The following FAF1 variants were observed in gnomAD, a reference collection of about 807,000 sequenced individuals.
The protein encoded by FAF1 is FAS-associated factor 1.
A neutral mutation model predicts 92.5 loss-of-function variants in FAF1; 25 were observed. The observed-to-expected ratio is 0.27, with a 90% CI of 0.20 to 0.38. The LOEUF is 0.38. Among genes scored for constraint, FAF1 ranks in the 10% least tolerant of loss-of-function variants. The pLI is 1.00. For synonymous variants in FAF1, 234 were observed against 273.2 expected, an observed-to-expected ratio of 0.86 and a Z score of 1.42; for missense variants, 636 against 793.3, an observed-to-expected ratio of 0.80 and a Z score of 2.38.
At chr1:50,739,367 C>T (rs958972818) in intron 5 of FAF1, among the ~76,000 whole-genome samples, 8 of 151,506 alleles carry the variant, frequency 5.3e-5, no homozygotes, top group South Asian at 2.1e-4. Flanking sequence ...CATGTGTACA[C>T]GTACATACAT....
chr1:50,883,662 A>G (rs1644632280), intron 1 of FAF1, among the ~76,000 whole-genome samples: 1 of 152,174 alleles, frequency 6.6e-6, no homozygotes, highest in Non-Finnish European at 1.5e-5. Flanking sequence ...CCACACTAAA[A>G]GAGACTAAAG....
At position 50,600,232 on chromosome 1, in the gene FAF1, G is replaced by A. The variant is rs545271203; in HGVS notation, c.745-4016C>T. 3.9e-4 allele frequency among the ~76,000 whole-genome samples: 60 copies of A among 152,186 alleles called. No individual in the cohort carries two copies. In the East Asian group the frequency reaches 0.011, roughly 27 times the overall value. The stretch of plus-strand genomic sequence containing the variant: ...TCAATGCTTAAAGCCTTTGTGATGC[G>A]TTCAGTGGTTATATTAATATAATAG... On this transcript the variant is annotated intron_variant, in intron 8 of 18. Transcript: ENST00000396153.
intron 18 of FAF1, among the ~76,000 whole-genome samples, chr1:50,444,868 G>A (rs1008781051): frequency 7.1e-6 from 1 of 141,616 alleles, no homozygotes; most frequent in Non-Finnish European, 1.5e-5. Context: ...CTGATGATAT[G>A]AATGATTCTG....
chr1:50,823,966 A>G (rs1450957911), intron 2 of FAF1, among the ~76,000 whole-genome samples: 1 of 152,200 alleles, frequency 6.6e-6, no homozygotes, highest in East Asian at 1.9e-4. Context: ...AGATTTTTAA[A>G]AAATGCTTTA....
intron 18 of FAF1, among the ~76,000 whole-genome samples, chr1:50,456,796 C>A (rs530752021): frequency 1.3e-5 from 2 of 152,128 alleles, no homozygotes; most frequent in South Asian, 4.2e-4. Flanking sequence ...CAGTAAAGGG[C>A]CACAAGAGGG....
intron 14 of FAF1, among the ~76,000 whole-genome samples, chr1:50,537,572 T>C (rs548152231): frequency 6.6e-6 from 1 of 152,292 alleles, no homozygotes; most frequent in South Asian, 2.1e-4. Context: ...TAAAATAAAT[T>C]TATCAATCCA....
chr1:50,668,496 C>G (rs551875386), intron 7 of FAF1, among the ~76,000 whole-genome samples: 1 of 152,296 alleles, frequency 6.6e-6, no homozygotes, highest in Admixed American at 6.5e-5. Context: ...AAGTAGCTGC[C>G]TTGGCCATGA....
At chr1:50,726,854 G>A (rs773158543) in intron 6 of FAF1, among the ~76,000 whole-genome samples, 7 of 151,990 alleles carry the variant, frequency 4.6e-5, no homozygotes, top group Admixed American at 1.3e-4. Context: ...AAAAGAAAAT[G>A]TACATAATTA....
chr1:50,842,504 C>T (rs1423355037), intron 2 of FAF1, among the ~76,000 whole-genome samples: 1 of 151,964 alleles, frequency 6.6e-6, no homozygotes, highest in African/African-American at 2.4e-5. Flanking sequence ...AATATTCTTG[C>T]CACACACAAA....
chr1:50,568,519 G>A (rs1650274244), intron 12 of FAF1, among the ~76,000 whole-genome samples: 1 of 152,126 alleles, frequency 6.6e-6, no homozygotes. Flanking sequence ...GGTAGCCACA[G>A]TTAGGTAGAT....
chr1:50,453,397 AAG>A (rs1169369767), intron 18 of FAF1, among the ~76,000 whole-genome samples: 1 of 152,242 alleles, frequency 6.6e-6, no homozygotes, highest in Non-Finnish European at 1.5e-5. Context: ...CAGGAGTTAA[AAG>A]AGTTTAGTCC....
intron 1 of FAF1, among the ~76,000 whole-genome samples, chr1:50,941,067 T>A (rs1302232030): frequency 6.6e-6 from 1 of 151,766 alleles, no homozygotes; most frequent in Non-Finnish European, 1.5e-5. Flanking sequence ...AGTCTCACTC[T>A]GTCACTCAGG....
chr1:50,901,672 G>A (rs1644797556), intron 1 of FAF1, among the ~76,000 whole-genome samples: 1 of 152,084 alleles, frequency 6.6e-6, no homozygotes, highest in African/African-American at 2.4e-5. Context: ...TTCAATACCA[G>A]CCTAGGCAAC....
intron 1 of FAF1, among the ~76,000 whole-genome samples, chr1:50,944,091 C>G (rs1645155342): frequency 6.6e-6 from 1 of 152,206 alleles, no homozygotes. Context: ...ATCTACCCCA[C>G]AGAATCTGAG....
intron 6 of FAF1, among the ~76,000 whole-genome samples, chr1:50,724,276 TACACACACACACACACACATACAC>T (rs1407609874): frequency 4.4e-5 from 5 of 114,914 alleles, no homozygotes; most frequent in Middle Eastern, 4.5e-3. Context: ...TATATACATA[TACACACACACACACACACATACAC>T]ACACACACAC....
intron 7 of FAF1, among the ~76,000 whole-genome samples, chr1:50,670,273 C>T (rs1460469811): frequency 1.3e-5 from 2 of 151,612 alleles, no homozygotes; most frequent in East Asian, 1.9e-4. Context: ...TTTTTTGTAG[C>T]GATGGGATTT....
intron 7 of FAF1, among the ~76,000 whole-genome samples, chr1:50,662,918 C>T (rs1331321217): frequency 2.6e-5 from 4 of 151,272 alleles, no homozygotes; most frequent in Non-Finnish European, 5.9e-5. Context: ...AGGATGGTCT[C>T]CATCTCCTGA....
intron 2 of FAF1, among the ~76,000 whole-genome samples, chr1:50,835,351 GA>G (rs945442262): frequency 6.6e-6 from 1 of 152,114 alleles, no homozygotes; most frequent in African/African-American, 2.4e-5. Context: ...AGATTTAAGA[GA>G]AATTTGCTTA....
At chr1:50,797,137 A>G (rs1419710203) in intron 3 of FAF1, among the ~76,000 whole-genome samples, 1 of 152,112 alleles carries the variant, frequency 6.6e-6, no homozygotes, top group Non-Finnish European at 1.5e-5. Context: ...CCTCATCTCA[A>G]AAAAAGGCAA....
Sources: allele counts gnomAD v4.1 joint callset (sites outside exome capture counted in the v4.1 genomes callset), GRCh38; gene constraint gnomAD v4.1.1; transcripts MANE v1.5; gene names NCBI Gene and HGNC (gene_info 2026-07-23, HGNC 2026-07-21).